GRM7: variants seen among roughly 807,000 people sequenced by gnomAD.
GRM7 encodes glutamate metabotropic receptor 7.
In GRM7, 35 loss-of-function variants were observed where a neutral mutation model predicts 84.5. That is an observed-to-expected ratio of 0.41 (90% confidence interval 0.32 to 0.55). The LOEUF (loss-of-function observed/expected upper bound fraction) is 0.55. GRM7 is among the 20% of genes least tolerant of loss of function. GRM7 has a pLI of 0.19. For missense variants in GRM7, 1,003 were observed against 1,194.6 expected (o/e 0.84, Z 2.36); for synonymous variants, 487 against 455.1 (o/e 1.07, Z -0.89).
At chr3:7,074,698 G>C (rs925050298) in intron 1 of GRM7, among the ~76,000 whole-genome samples, 1 of 152,074 alleles carries the variant, frequency 6.6e-6, no homozygotes, top group Non-Finnish European at 1.5e-5. Flanking sequence ...TTTAAAACAA[G>C]AACAAAAATC....
intron 2 of GRM7, among the ~76,000 whole-genome samples, chr3:7,258,976 A>C (rs953634813): frequency 3.3e-5 from 5 of 152,258 alleles, no homozygotes; most frequent in Non-Finnish European, 5.9e-5. Flanking sequence ...GATGCATATG[A>C]AAATCAAGGT....
intron 1 of GRM7, among the ~76,000 whole-genome samples, chr3:6,933,517 T>C (rs1248150277): frequency 6.6e-6 from 1 of 152,190 alleles, no homozygotes; most frequent in Non-Finnish European, 1.5e-5. Flanking sequence ...AGTCAACTCC[T>C]ATTGTATTTG....
chr3:7,425,510 A>G (rs1354433289), intron 5 of GRM7, among the ~76,000 whole-genome samples: 2 of 152,144 alleles, frequency 1.3e-5, no homozygotes, highest in African/African-American at 4.8e-5. Context: ...GTTAAAGCAG[A>G]TGGTGGAGAC....
intron 4 of GRM7, among the ~76,000 whole-genome samples, chr3:7,306,916 T>A (rs554604592): frequency 5.3e-5 from 8 of 152,348 alleles, no homozygotes; most frequent in African/African-American, 1.9e-4. Flanking sequence ...ATAGGAACTT[T>A]CTGAGAGGAG....
intron 2 of GRM7, 148 bp downstream of exon 2, chr3:7,146,816 C>T (rs1485091700): frequency 4.8e-6 from 3 of 621,948 alleles, no homozygotes; most frequent in Admixed American, 2.9e-5. Flanking sequence ...ATCTGTATGA[C>T]TTTGTTGTTT....
intron 2 of GRM7, among the ~76,000 whole-genome samples, chr3:7,216,841 G>T (rs373798718): frequency 6.6e-6 from 1 of 152,104 alleles, no homozygotes; most frequent in Non-Finnish European, 1.5e-5. Flanking sequence ...TTAATGGATG[G>T]TGTTGGATAT....
chr3:7,131,973 A>C (rs1188484833), intron 1 of GRM7, among the ~76,000 whole-genome samples: 1 of 152,152 alleles, frequency 6.6e-6, no homozygotes, highest in Admixed American at 6.5e-5. Flanking sequence ...TTCAAAGGAC[A>C]CCTACTTCAT....
At chr3:7,590,538 TA>T (rs1695730818) in intron 8 of GRM7, among the ~76,000 whole-genome samples, 2 of 152,204 alleles carry the variant, frequency 1.3e-5, no homozygotes, top group Non-Finnish European at 2.9e-5. Context: ...CTGCCTTAGA[TA>T]ATCTATTGCC....
At chr3:7,194,189 A>G (rs1210965997) in intron 2 of GRM7, among the ~76,000 whole-genome samples, 2 of 152,112 alleles carry the variant, frequency 1.3e-5, no homozygotes, top group Non-Finnish European at 2.9e-5. Flanking sequence ...GTTTACTCAC[A>G]TAAACACTCA....
At chr3:7,631,836 T>C (rs973685569) in intron 8 of GRM7, among the ~76,000 whole-genome samples, 8 of 152,154 alleles carry the variant, frequency 5.3e-5, no homozygotes, top group Admixed American at 2.6e-4. Context: ...TAGGCCGTAA[T>C]ACAGAGAAAC....
intron 7 of GRM7, among the ~76,000 whole-genome samples, chr3:7,528,617 C>G (rs576184072): frequency 1.1e-4 from 17 of 151,976 alleles, no homozygotes; most frequent in Non-Finnish European, 1.9e-4. Flanking sequence ...GCTAAATTGT[C>G]AATTTGAGAT....
At chr3:7,433,327 C>A (rs1000048726) in intron 5 of GRM7, among the ~76,000 whole-genome samples, 1 of 152,178 alleles carries the variant, frequency 6.6e-6, no homozygotes, top group Non-Finnish European at 1.5e-5. Flanking sequence ...ACTTCCATTC[C>A]TTCCCAGAGC....
intron 8 of GRM7, among the ~76,000 whole-genome samples, chr3:7,585,394 A>T (rs542702391): frequency 3.3e-5 from 5 of 152,146 alleles, no homozygotes; most frequent in African/African-American, 1.2e-4. Context: ...CTAATTTCAT[A>T]TGCAGTCACC....
At chr3:7,597,340 C>T (rs1000013393) in intron 8 of GRM7, among the ~76,000 whole-genome samples, 1 of 152,108 alleles carries the variant, frequency 6.6e-6, no homozygotes, top group African/African-American at 2.4e-5. Flanking sequence ...GACCCAAACA[C>T]CTCTCACCAG....
At chr3:7,507,570 G>A (rs756683374) in intron 7 of GRM7, among the ~76,000 whole-genome samples, 10 of 152,160 alleles carry the variant, frequency 6.6e-5, no homozygotes, top group Non-Finnish European at 1.3e-4. Context: ...GATAAAAGCC[G>A]AGGCCAAGTC....
chr3:7,639,361 T>C (rs557570830), intron 8 of GRM7, among the ~76,000 whole-genome samples: 9 of 152,318 alleles, frequency 5.9e-5, no homozygotes, highest in African/African-American at 1.9e-4. Flanking sequence ...TGGCTCCCAT[T>C]TACCTGATGA....
At chr3:7,157,478 A>G (rs1694489753) in intron 2 of GRM7, among the ~76,000 whole-genome samples, 1 of 152,126 alleles carries the variant, frequency 6.6e-6, no homozygotes, top group Admixed American at 6.6e-5. Context: ...GAAATTTGAA[A>G]TGAAGGGATT....
intron 2 of GRM7, among the ~76,000 whole-genome samples, chr3:7,257,063 A>G (rs1439391425): frequency 6.6e-6 from 1 of 152,178 alleles, no homozygotes; most frequent in Non-Finnish European, 1.5e-5. Flanking sequence ...TCCTGCCTCC[A>G]ATTTTAAGGT....
intron 1 of GRM7, among the ~76,000 whole-genome samples, chr3:6,952,726 TG>T (rs1253266174): frequency 6.6e-6 from 1 of 152,232 alleles, no homozygotes; most frequent in Admixed American, 6.5e-5. Flanking sequence ...TGTTTTGTTT[TG>T]TTTTTGAGCG....
Sources: allele counts gnomAD v4.1 joint callset (sites outside exome capture counted in the v4.1 genomes callset), GRCh38; gene constraint gnomAD v4.1.1; transcripts MANE v1.5; gene names NCBI Gene and HGNC (gene_info 2026-07-23, HGNC 2026-07-21).